The following HECW2 variants were observed in gnomAD, a reference collection of about 807,000 sequenced individuals.
HECW2 encodes the protein HECT, C2 and WW domain containing E3 ubiquitin protein ligase 2.
HECW2 carries 61 observed loss-of-function variants against 175.2 expected under a neutral mutation model. That is an observed-to-expected ratio of 0.35 (90% confidence interval 0.28 to 0.43). HECW2 has a LOEUF of 0.43. HECW2 is among the 20% of genes least tolerant of loss of function. The pLI, the probability that HECW2 is intolerant of heterozygous loss-of-function variation, is 1.00. For missense variants in HECW2, 1,524 were observed against 2,000.5 expected, an observed-to-expected ratio of 0.76 and a Z score of 4.54; for synonymous variants, 671 against 731.0, an observed-to-expected ratio of 0.92 and a Z score of 1.32.
intron 21 of HECW2, among the ~76,000 whole-genome samples, chr2:196,237,420 A>G (rs1432960598): frequency 3.9e-5 from 6 of 152,164 alleles, no homozygotes; most frequent in African/African-American, 9.7e-5. Flanking sequence ...TAGCTCCTAC[A>G]TATGAGTGAG....
intron 13 of HECW2, among the ~76,000 whole-genome samples, chr2:196,295,669 T>C (rs1014633130): frequency 8.5e-5 from 13 of 152,320 alleles, no homozygotes; most frequent in African/African-American, 2.9e-4. Flanking sequence ...ATTTCTTATC[T>C]AGAGCACCAG....
chr2:196,555,970 C>T (rs1410154413), intron 1 of HECW2, among the ~76,000 whole-genome samples: 1 of 152,218 alleles, frequency 6.6e-6, no homozygotes, highest in Non-Finnish European at 1.5e-5. Flanking sequence ...TTATGTGATT[C>T]AACTACAATC....
intron 2 of HECW2, among the ~76,000 whole-genome samples, chr2:196,348,138 A>G (rs1221651644): frequency 2.0e-5 from 3 of 152,226 alleles, no homozygotes; most frequent in Non-Finnish European, 4.4e-5. Context: ...TTTTGTTCAC[A>G]TCTTTGTTTA....
chr2:196,195,425 C>T lies in HECW2; in HGVS notation c.*5852G>A, dbSNP rs1686654006. The T allele has an allele frequency of 6.6e-6, 1 of 152,184 alleles. No homozygotes were observed. Among genetic ancestry groups the T allele is most frequent in the South Asian group, 2.1e-4 (1 of 4,828 alleles). 9.4% of individuals were successfully genotyped at this position (152,184 alleles called of 1,614,324 possible). ...TATATAAATTTAATTCTCCTGTGTT[C>T]CCCAGAAACCATACAACTAGGGCCA... On this transcript the variant is annotated 3_prime_UTR_variant, in exon 29 of 29. Transcript: ENST00000644978.
chr2:196,510,944 CTTG>C (rs548582821), intron 1 of HECW2, among the ~76,000 whole-genome samples: 18 of 150,838 alleles, frequency 1.2e-4, no homozygotes, highest in Admixed American at 3.9e-4. Flanking sequence ...GGGTTTTTTT[CTTG>C]TTTGTTTGGG....
chr2:196,310,776 G>A (rs1372904941), intron 10 of HECW2, among the ~76,000 whole-genome samples: 1 of 151,906 alleles, frequency 6.6e-6, no homozygotes, highest in Non-Finnish European at 1.5e-5. Context: ...TTTTGTGTGT[G>A]TGTGTGTGTG....
intron 18 of HECW2, among the ~76,000 whole-genome samples, chr2:196,256,890 G>A (rs2375685): frequency 0.43 from 65,819 of 152,002 alleles, 16,721 homozygotes; most frequent in African/African-American, 0.7. Flanking sequence ...ATCCCTTTGA[G>A]TTATGCTTTG....
rs116249344 is a variant in HECW2, at chr2:196,304,492, T to C, written c.2814+1996A>G. The stretch of plus-strand genomic sequence containing the variant: ...CTTTTTTATTCACTAGTCTGTTAAC[T>C]ATATTCTACTCTGTCTTATTTACCA... On this transcript the variant is annotated intron_variant, in intron 13 of 28. Coordinates refer to ENST00000644978, the MANE Select transcript of HECW2 (RefSeq NM_001348768.2). 4.9e-3 allele frequency among the ~76,000 whole-genome samples: 747 copies of C among 152,340 alleles called. 5 individuals are homozygous for C. Among genetic ancestry groups the C allele is most frequent in the Non-Finnish European group, 7.3e-3 (500 of 68,028 alleles).
chr2:196,463,907 T>G (rs929128974), intron 1 of HECW2, among the ~76,000 whole-genome samples: 22 of 152,188 alleles, frequency 1.4e-4, no homozygotes, highest in African/African-American at 5.3e-4. Context: ...TGCTGAAAGC[T>G]TCATACAAAG....
At chr2:196,270,507 T>C (rs1404781531) in intron 17 of HECW2, among the ~76,000 whole-genome samples, 1 of 152,232 alleles carries the variant, frequency 6.6e-6, no homozygotes, top group African/African-American at 2.4e-5. Context: ...AAAATGTGAA[T>C]ACCAAGTCTG....
At chr2:196,577,420 G>T (rs1286858369) in intron 1 of HECW2, among the ~76,000 whole-genome samples, 1 of 151,974 alleles carries the variant, frequency 6.6e-6, no homozygotes, top group African/African-American at 2.4e-5. Context: ...TTAAGGCTTT[G>T]ATATTAACAA....
At chr2:196,207,111 T>G (rs1206978330) in intron 28 of HECW2, among the ~76,000 whole-genome samples, 2 of 152,058 alleles carry the variant, frequency 1.3e-5, no homozygotes, top group Non-Finnish European at 2.9e-5. Flanking sequence ...TGAGGCCAGA[T>G]GGGGAGGCAG....
At chr2:196,214,189 T>C (rs561328489) in intron 28 of HECW2, among the ~76,000 whole-genome samples, 1 of 152,274 alleles carries the variant, frequency 6.6e-6, no homozygotes, top group South Asian at 2.1e-4. Context: ...AGAAGGATCA[T>C]GCAACTTCAC....
chr2:196,263,192 G>A (rs1205927784), intron 17 of HECW2: 1 of 152,056 alleles, frequency 6.6e-6, no homozygotes, highest in Admixed American at 6.5e-5. Flanking sequence ...AAACTATACA[G>A]CGACAAACTC....
chr2:196,454,399 A>T (rs1255670432), intron 1 of HECW2, among the ~76,000 whole-genome samples: 1 of 152,248 alleles, frequency 6.6e-6, no homozygotes, highest in Non-Finnish European at 1.5e-5. Context: ...ATAGCTATTT[A>T]ACATTCCACT....
intron 2 of HECW2, among the ~76,000 whole-genome samples, chr2:196,429,721 G>C (rs917128292): frequency 6.6e-6 from 1 of 151,704 alleles, no homozygotes; most frequent in Non-Finnish European, 1.5e-5. Context: ...TGAGTGTAGA[G>C]CAAGAAGCTA....
chr2:196,521,341 A>G (rs890104605), intron 1 of HECW2, among the ~76,000 whole-genome samples: 1 of 151,220 alleles, frequency 6.6e-6, no homozygotes, highest in Non-Finnish European at 1.5e-5. Flanking sequence ...CTGCCAATTC[A>G]TACCTAATTT....
At position 196,198,858 on chromosome 2, in the gene HECW2, T is replaced by C. The variant is rs1206012362; in HGVS notation, c.*2419A>G. On this transcript the variant is annotated 3_prime_UTR_variant, in exon 29 of 29. Transcript: ENST00000644978. Reference sequence around the variant, plus strand: ...AAGTTAGCATGGTGTTCTGATATGATAAGTACATCTTTGATAATTCCCAAT... The same window carrying C: ...AAGTTAGCATGGTGTTCTGATATGACAAGTACATCTTTGATAATTCCCAAT... The C allele has an allele frequency of 6.6e-6, 1 of 152,222 alleles. No homozygotes were observed. The highest frequency in any genetic ancestry group is 6.5e-5 in the Admixed American group (1 of 15,288). 9.4% of individuals were successfully genotyped at this position (152,222 alleles called of 1,614,324 possible).
At chr2:196,285,168 T>C (rs1471455608) in intron 14 of HECW2, among the ~76,000 whole-genome samples, 1 of 152,206 alleles carries the variant, frequency 6.6e-6, no homozygotes, top group Non-Finnish European at 1.5e-5. Flanking sequence ...TTCTTTCTTT[T>C]TTCTTTTTTT....
Sources: gnomAD v4.1 joint callset for allele counts (sites outside exome capture counted in the v4.1 genomes callset) on GRCh38, gnomAD v4.1.1 for gene constraint, MANE v1.5 for transcripts, NCBI Gene and HGNC (gene_info 2026-07-23, HGNC 2026-07-21) for gene names.